Variants in TMEM117 observed in about 807,000 individuals in gnomAD.
TMEM117 encodes transmembrane protein 117.
TMEM117 carries 27 observed loss-of-function variants against 52.4 expected under a neutral mutation model. The ratio of observed to expected loss-of-function variants is 0.51; its 90% CI spans 0.38 to 0.71. TMEM117 has a LOEUF of 0.71. Among genes scored for constraint, TMEM117 ranks in the 30% least tolerant of loss-of-function variants. The pLI, the probability that TMEM117 is intolerant of heterozygous loss-of-function variation, is 0.00. For synonymous variants in TMEM117, 215 were observed against 206.3 expected (o/e 1.04, Z -0.36); for missense variants, 556 against 630.5 (o/e 0.88, Z 1.26).
intron 3 of TMEM117, among the ~76,000 whole-genome samples, chr12:44,005,224 G>C (rs1946175831): frequency 6.6e-6 from 1 of 152,204 alleles, no homozygotes; most frequent in African/African-American, 2.4e-5. Context: ...TTGCAAATAA[G>C]TGAACATTGG....
At chr12:44,171,004 A>G (rs1191077865) in intron 4 of TMEM117, among the ~76,000 whole-genome samples, 2 of 150,664 alleles carry the variant, frequency 1.3e-5, no homozygotes, top group African/African-American at 2.4e-5. Context: ...TCTCTTTATT[A>G]ACAAATATCT....
At chr12:44,289,448 A>T (rs1950675572) in intron 5 of TMEM117, among the ~76,000 whole-genome samples, 1 of 151,370 alleles carries the variant, frequency 6.6e-6, no homozygotes, top group African/African-American at 2.4e-5. Flanking sequence ...TTTATTTTTA[A>T]TTTTTTGAAG....
At chr12:44,009,027 C>A in intron 3 of TMEM117, 1 of 378,032 alleles carries the variant, frequency 2.6e-6, no homozygotes, top group South Asian at 2.3e-5. Flanking sequence ...TCAGAGCTAA[C>A]TGAAGCTTTT....
intron 2 of TMEM117, among the ~76,000 whole-genome samples, chr12:43,917,230 C>CA (rs10602069): frequency 3.3e-4 from 34 of 102,172 alleles, no homozygotes; most frequent in African/African-American, 1.0e-3. Context: ...CTCATCTCTA[C>CA]AAAAAAAAAA....
chr12:44,323,930 T>C (rs148080727), intron 6 of TMEM117, among the ~76,000 whole-genome samples: 2 of 152,282 alleles, frequency 1.3e-5, no homozygotes, highest in Non-Finnish European at 2.9e-5. Context: ...CTTCTGTCTT[T>C]TGCTGTGCTC....
chr12:43,854,450 GAA>G (rs370821552), intron 2 of TMEM117, among the ~76,000 whole-genome samples: 3 of 133,814 alleles, frequency 2.2e-5, no homozygotes, highest in South Asian at 2.4e-4. Flanking sequence ...TTATCCTACT[GAA>G]AAAAAAAAAA....
chr12:44,282,284 A>G (rs939028009), intron 5 of TMEM117, among the ~76,000 whole-genome samples: 1 of 152,200 alleles, frequency 6.6e-6, no homozygotes, highest in African/African-American at 2.4e-5. Flanking sequence ...ACGTTGCTGA[A>G]AAGATACCCA....
At chr12:43,806,896 G>T in the TMEM117 span, among the ~76,000 whole-genome samples, 1 of 152,212 alleles carries the variant, frequency 6.6e-6, no homozygotes, top group Non-Finnish European at 1.5e-5. Context: ...TCCGGAAAGA[G>T]ACAGCCACTA....
intron 4 of TMEM117, among the ~76,000 whole-genome samples, chr12:44,197,012 G>C (rs949584493): frequency 6.6e-6 from 1 of 152,144 alleles, no homozygotes; most frequent in Non-Finnish European, 1.5e-5. Context: ...AATAGAGCTG[G>C]CTGAACCATT....
the TMEM117 span, among the ~76,000 whole-genome samples, chr12:43,803,071 T>TTA: frequency 2.0e-3 from 297 of 152,286 alleles, 3 homozygotes; most frequent in Middle Eastern, 0.01. Context: ...CACTATACAG[T>TTA]AACAGTGAAG....
intron 4 of TMEM117, among the ~76,000 whole-genome samples, chr12:44,185,703 ACTTAGTGGTG>A (rs1421928189): frequency 6.6e-6 from 1 of 152,138 alleles, no homozygotes; most frequent in African/African-American, 2.4e-5. Context: ...AATAGCACTG[ACTTAGTGGTG>A]CTCTATTCTC....
In TMEM117 at chr12:44,388,391, C is replaced by A; in HGVS notation, c.1264C>A (p.Pro422Thr). The change falls in exon 8 of 8, where the codon CCA (proline) becomes ACA (threonine). Residue 422 changes from proline (P) to threonine (T), a missense_variant. Physicochemically the swap from Pro to Thr is conservative, Grantham distance 38. Around this residue, in one of 3 missense-constraint regions of TMEM117, gnomAD observed 206 missense variants for 211.1 expected, o/e 0.98. Transcript: ENST00000266534. The stretch of plus-strand genomic sequence containing the variant: ...CTTTGGACGATTTTTGAAAAATGAG[C>A]CACGCATGGAGAATCAAGACAAAAC... ...WFFGRFLKNE[P>T]RMENQDKTYT... is the part of the protein sequence containing the mutation. 13 of 1,613,304 alleles carry A rather than the reference C, an allele frequency of 8.1e-6. No individual in the cohort carries two copies. The highest frequency in any genetic ancestry group is 7.6e-6 in the Non-Finnish European group (9 of 1,179,634).
At chr12:44,167,395 G>A (rs928097900) in intron 4 of TMEM117, among the ~76,000 whole-genome samples, 6 of 152,140 alleles carry the variant, frequency 3.9e-5, no homozygotes, top group African/African-American at 9.7e-5. Flanking sequence ...TAGGCTGGGC[G>A]CGGTGGGTCA....
At position 44,211,275 on chromosome 12, in the gene TMEM117, C is replaced by T; in HGVS notation, c.511-15C>T. On this transcript the variant is annotated splice_polypyrimidine_tract_variant and intron_variant, in intron 4 of 7. Coordinates refer to ENST00000266534, the MANE Select transcript of TMEM117 (RefSeq NM_032256.3). ...ATTTCTGAAAGTGCTGAATAAGTTC[C>T]TTTCATTGCTTCAGGTCACTGATAT... 6.4e-7 allele frequency: 1 copy of T among 1,574,008 alleles called. No homozygotes were observed. The highest frequency in any genetic ancestry group is 8.7e-7 in the Non-Finnish European group (1 of 1,147,162).
chr12:44,043,944 G>A (rs1394044551), intron 3 of TMEM117, among the ~76,000 whole-genome samples: 2 of 152,178 alleles, frequency 1.3e-5, no homozygotes, highest in Non-Finnish European at 2.9e-5. Context: ...AGCTCAGGGA[G>A]TTAAAAAAGG....
chr12:44,218,981 G>A (rs556706063), intron 5 of TMEM117, among the ~76,000 whole-genome samples: 23 of 152,252 alleles, frequency 1.5e-4, no homozygotes, highest in African/African-American at 3.1e-4. Flanking sequence ...ACTGTATGGC[G>A]ACAGTTATTC....
intron 5 of TMEM117, among the ~76,000 whole-genome samples, chr12:44,278,425 A>G (rs781406032): frequency 3.3e-5 from 5 of 152,208 alleles, no homozygotes; most frequent in Admixed American, 6.5e-5. Flanking sequence ...TGTAAGTGTC[A>G]TCCAAGTTTA....
chr12:44,298,328 A>G (rs983973914), intron 5 of TMEM117, among the ~76,000 whole-genome samples: 2 of 150,232 alleles, frequency 1.3e-5, no homozygotes, highest in East Asian at 3.9e-4. Flanking sequence ...CTACAATGTT[A>G]TTTCACCTCT....
At chr12:43,953,399 G>C (rs11182345) in intron 3 of TMEM117, among the ~76,000 whole-genome samples, 22,560 of 152,108 alleles carry the variant, frequency 0.15, 2,576 homozygotes, top group African/African-American at 0.32. Context: ...CTGTCTTCAA[G>C]AGACATATCT....
Sources: allele counts gnomAD v4.1 joint callset (sites outside exome capture counted in the v4.1 genomes callset), GRCh38; gene constraint gnomAD v4.1.1; regional missense constraint gnomAD v4.1.1; transcripts MANE v1.5; gene names NCBI Gene and HGNC (gene_info 2026-07-23, HGNC 2026-07-21).